MERTK: variants seen among roughly 807,000 people sequenced by gnomAD.
The protein encoded by MERTK is tyrosine-protein kinase Mer.
MERTK carries 69 observed loss-of-function variants against 99.3 expected under a neutral mutation model. That is an observed-to-expected ratio of 0.70 (90% CI 0.57 to 0.85). The LOEUF (loss-of-function observed/expected upper bound fraction) is 0.85, where lower values mean the gene tolerates loss of function less well. MERTK is among the 40% of genes least tolerant of loss of function. The pLI is 0.00. For synonymous variants in MERTK, 426 were observed against 467.6 expected, an observed-to-expected ratio of 0.91 and a Z score of 1.15; for missense variants, 1,125 against 1,249.4, an observed-to-expected ratio of 0.90 and a Z score of 1.50.
chr2:111,945,162 A>G, intron 3 of MERTK, 102 bp downstream of exon 3: 1 of 869,932 alleles, frequency 1.1e-6, no homozygotes, highest in Non-Finnish European at 1.9e-6. Flanking sequence ...CTGCCTATTT[A>G]TAACTCTGTA....
chr2:111,914,327 G>C (rs1684309645), intron 1 of MERTK, among the ~76,000 whole-genome samples: 1 of 152,086 alleles, frequency 6.6e-6, no homozygotes, highest in Admixed American at 6.6e-5. Flanking sequence ...GCCCAGGCTG[G>C]AGTGCAATGG....
At chr2:111,995,314 A>G (rs920387374) in intron 9 of MERTK, among the ~76,000 whole-genome samples, 15 of 152,098 alleles carry the variant, frequency 9.9e-5, no homozygotes, top group African/African-American at 3.6e-4. Context: ...TGCTGTGCTC[A>G]CTCCATAACC....
intron 2 of MERTK, chr2:111,930,101 ACCTACATATCATAT>A (rs1176123591): frequency 6.5e-6 from 1 of 152,696 alleles, no homozygotes; most frequent in Non-Finnish European, 1.5e-5. Context: ...TTCCCACCTG[ACCTACATATCATAT>A]CAAGTACAGC....
At position 111,898,659 on chromosome 2, in the gene MERTK, T is replaced by G. The variant is rs2104652646; in HGVS notation, c.-77T>G. ...GGACAGGGAGCTTCGCTGGCGCGCT[T>G]GGCCGGCGACAGGACAGGTTCGGGA... On this transcript the variant is annotated 5_prime_UTR_variant, in exon 1 of 19. Coordinates refer to ENST00000295408, the MANE Select transcript of MERTK (RefSeq NM_006343.3). 1 of 1,529,316 alleles carries G rather than the reference T, an allele frequency of 6.5e-7. No individual in the cohort carries two copies. The highest frequency in any genetic ancestry group is 1.4e-5 in the African/African-American group (1 of 72,920). The allele number at this position is 1,529,316 out of a possible 1,614,324, so 94.7% of individuals were successfully genotyped here.
Position 111,967,120 on chromosome 2 carries a change from C to G in MERTK, c.845-1017C>G, listed in dbSNP as rs76957207. 8.4e-3 allele frequency among the ~76,000 whole-genome samples: 1,281 copies of G among 152,314 alleles called. 24 individuals are homozygous for G. Among genetic ancestry groups the G allele is most frequent in the East Asian group, 0.021 (107 of 5,180 alleles). On this transcript the variant is annotated intron_variant, in intron 5 of 18. Coordinates refer to ENST00000295408, the MANE Select transcript of MERTK (RefSeq NM_006343.3). ...GACTCACAGTCCCTGCTGGTGTTCC[C>G]ACTGTCTGCTTGCTGCCCTTGGCAA...
chr2:111,945,127 T>C, intron 3 of MERTK, 67 bp downstream of exon 3: 6 of 1,249,124 alleles, frequency 4.8e-6, no homozygotes, highest in Non-Finnish European at 5.8e-6. Context: ...TTAAATGTTT[T>C]GTGTATAATA....
At chr2:111,947,674 A>G in intron 4 of MERTK, 107 bp downstream of exon 4, 1 of 1,342,428 alleles carries the variant, frequency 7.4e-7, no homozygotes, top group Non-Finnish European at 1.1e-6. Context: ...GACAGATGAA[A>G]ATACAGGTGT....
intron 8 of MERTK, among the ~76,000 whole-genome samples, chr2:111,993,118 A>G (rs13413103): frequency 0.072 from 9,759 of 136,108 alleles, 365 homozygotes; most frequent in African/African-American, 0.12. Flanking sequence ...AGGTCACAGA[A>G]GCCTTCTGTG....
chr2:112,010,713 A>C (rs893412647), intron 15 of MERTK, among the ~76,000 whole-genome samples: 1 of 152,130 alleles, frequency 6.6e-6, no homozygotes, highest in African/African-American at 2.4e-5. Flanking sequence ...CACTGGGGAC[A>C]TTGTATCTTT....
chr2:111,903,737 G>C (rs1402919702), intron 1 of MERTK, among the ~76,000 whole-genome samples: 2 of 152,192 alleles, frequency 1.3e-5, no homozygotes, highest in East Asian at 1.9e-4. Context: ...TGGGGCTTTG[G>C]GGGTGGTGAT....
rs775179251 is a variant in MERTK at position 111,944,997 on chromosome 2, A to T, written c.520A>T (p.Ile174Phe). The T allele has an allele frequency of 1.2e-5, 19 of 1,613,858 alleles. No homozygotes were observed. The South Asian group carries it at 1.9e-4, about 16-fold the overall frequency. The change falls in exon 3 of 19, where the codon ATC becomes TTC. Residue 174 changes from isoleucine (I) to phenylalanine (F), a missense_variant. Ile to Phe is a conservative substitution (Grantham distance 21). Coordinates refer to ENST00000295408, the MANE Select transcript of MERTK (RefSeq NM_006343.3). Reference sequence around the variant, plus strand: ...GCAGCGTTCAGACAATGGGTCGTATATCTGTAAGATGAAAATAAACAATGA... The same window carrying T: ...GCAGCGTTCAGACAATGGGTCGTATTTCTGTAAGATGAAAATAAACAATGA... ...SVQRSDNGSY[I>F]CKMKINNEEI...
intron 2 of MERTK, among the ~76,000 whole-genome samples, chr2:111,934,714 T>C (rs1684733539): frequency 6.6e-6 from 1 of 152,226 alleles, no homozygotes; most frequent in African/African-American, 2.4e-5. Flanking sequence ...AGAAACTCTT[T>C]AGTTTAATTA....
chr2:111,976,913 A>T (rs1451248505), intron 7 of MERTK, among the ~76,000 whole-genome samples: 1 of 152,028 alleles, frequency 6.6e-6, no homozygotes, highest in African/African-American at 2.4e-5. Flanking sequence ...TGTACCTTCA[A>T]GTGATTTATA....
In MERTK at chr2:112,008,292, T is replaced by A. The variant is rs926995729; in HGVS notation, c.1868-91T>A. On this transcript the variant is annotated intron_variant, in intron 13 of 18. Coordinates refer to ENST00000295408, the MANE Select transcript of MERTK (RefSeq NM_006343.3). Reference sequence around the variant, plus strand: ...TCTATACTTTCATCTCTTCCTGACCTGGGTTTTAGAGAACAGAACTGCTGT... The same window carrying A: ...TCTATACTTTCATCTCTTCCTGACCAGGGTTTTAGAGAACAGAACTGCTGT... 1.8e-5 allele frequency: 16 copies of A among 904,638 alleles called. No individual in the cohort carries two copies. The African/African-American group carries it at 2.1e-4, about 12-fold the overall frequency. 56.0% of individuals were successfully genotyped at this position (904,638 alleles called of 1,614,324 possible). A position where few individuals can be genotyped will look rare whatever the true frequency, so the allele number is the denominator to read the frequency against.
chr2:111,926,772 A>G (rs1352787703), intron 1 of MERTK, among the ~76,000 whole-genome samples: 1 of 152,192 alleles, frequency 6.6e-6, no homozygotes, highest in East Asian at 1.9e-4. Flanking sequence ...TAAGTAGAGC[A>G]CCCTTGAGGG....
chr2:112,010,144 C>A, intron 15 of MERTK, 78 bp downstream of exon 15: 1 of 1,100,636 alleles, frequency 9.1e-7, no homozygotes, highest in Non-Finnish European at 1.4e-6. Flanking sequence ...ATCATCTAAT[C>A]TTGAAAGTGA....
intron 15 of MERTK, among the ~76,000 whole-genome samples, chr2:112,016,969 A>G (rs1377069614): frequency 2.0e-5 from 3 of 152,200 alleles, no homozygotes; most frequent in South Asian, 4.1e-4. Flanking sequence ...TGAGTGTTAC[A>G]GCTCTTAAAG....
chr2:111,906,631 G>C (rs923634913), intron 1 of MERTK, among the ~76,000 whole-genome samples: 4 of 152,168 alleles, frequency 2.6e-5, no homozygotes, highest in African/African-American at 9.7e-5. Flanking sequence ...TCCAATTAAC[G>C]GCAGGCTGCC....
At chr2:111,950,006 T>G (rs1685027130) in intron 4 of MERTK, among the ~76,000 whole-genome samples, 2 of 152,116 alleles carry the variant, frequency 1.3e-5, no homozygotes, top group South Asian at 4.1e-4. Context: ...GGCTCAATCT[T>G]GGCTTACTGC....
Sources: gnomAD v4.1 joint callset for allele counts (sites outside exome capture counted in the v4.1 genomes callset) on GRCh38, gnomAD v4.1.1 for gene constraint, MANE v1.5 for transcripts, NCBI Gene and HGNC (gene_info 2026-07-23, HGNC 2026-07-21) for gene names.